Variants in PTPRG observed in about 807,000 individuals in gnomAD.
PTPRG encodes protein tyrosine phosphatase receptor type G.
PTPRG carries 102 observed loss-of-function variants against 165.3 expected under a neutral mutation model. That is an observed-to-expected ratio of 0.62 (90% CI 0.53 to 0.73). The LOEUF (loss-of-function observed/expected upper bound fraction) is 0.73. Ranked by LOEUF, PTPRG falls within the 30% of genes least tolerant of loss-of-function variation. PTPRG has a pLI of 0.00. For missense variants in PTPRG, 1,866 were observed against 1,861.4 expected (o/e 1.00, Z -0.05); for synonymous variants, 675 against 669.5 (o/e 1.01, Z -0.13).
chr3:61,950,649 C>T (rs1020094196), intron 2 of PTPRG, among the ~76,000 whole-genome samples: 1 of 151,928 alleles, frequency 6.6e-6, no homozygotes, highest in Admixed American at 6.6e-5. Context: ...CTTTCTTGCA[C>T]CTCTGGTAAC....
chr3:61,683,190 C>T (rs186312927), intron 1 of PTPRG, among the ~76,000 whole-genome samples: 8 of 152,256 alleles, frequency 5.3e-5, no homozygotes, highest in African/African-American at 1.9e-4. Flanking sequence ...GTCAGCATTG[C>T]AAAAGTCAGG....
intron 13 of PTPRG, among the ~76,000 whole-genome samples, chr3:62,225,916 A>C (rs1238633736): frequency 6.6e-6 from 1 of 152,158 alleles, no homozygotes; most frequent in African/African-American, 2.4e-5. Flanking sequence ...TGTCTCCCAA[A>C]GTGCTGGGAT....
At chr3:62,089,194 C>T (rs1397810533) in intron 5 of PTPRG, among the ~76,000 whole-genome samples, 1 of 152,202 alleles carries the variant, frequency 6.6e-6, no homozygotes, top group Non-Finnish European at 1.5e-5. Flanking sequence ...CCCACATTCC[C>T]AAAGCAGATA....
chr3:61,670,825 C>A (rs1309393203), intron 1 of PTPRG, among the ~76,000 whole-genome samples: 4 of 152,014 alleles, frequency 2.6e-5, no homozygotes, highest in Admixed American at 2.6e-4. Flanking sequence ...TAAGTAGAAT[C>A]GCAGAAAAGA....
At chr3:61,860,047 A>G (rs2037217769) in intron 2 of PTPRG, among the ~76,000 whole-genome samples, 1 of 152,212 alleles carries the variant, frequency 6.6e-6, no homozygotes, top group Non-Finnish European at 1.5e-5. Context: ...ACTCTAGGAA[A>G]CACTGAGGGA....
At chr3:62,266,043 G>T (rs551969338) in intron 17 of PTPRG, among the ~76,000 whole-genome samples, 2 of 152,126 alleles carry the variant, frequency 1.3e-5, no homozygotes, top group Non-Finnish European at 2.9e-5. Context: ...TGTGTGATGT[G>T]CCCAAAGGTC....
intron 5 of PTPRG, among the ~76,000 whole-genome samples, chr3:62,129,684 C>T (rs894829305): frequency 2.6e-5 from 4 of 152,186 alleles, no homozygotes; most frequent in African/African-American, 9.7e-5. Flanking sequence ...GGTCCTACTT[C>T]TCAACACTGT....
At chr3:62,182,820 C>T (rs1450512703) in intron 8 of PTPRG, among the ~76,000 whole-genome samples, 1 of 152,102 alleles carries the variant, frequency 6.6e-6, no homozygotes, top group African/African-American at 2.4e-5. Context: ...CCATGCCCAG[C>T]TAATTTTTGT....
At chr3:61,898,631 A>C (rs980957537) in intron 2 of PTPRG, among the ~76,000 whole-genome samples, 39 of 152,326 alleles carry the variant, frequency 2.6e-4, no homozygotes, top group African/African-American at 8.2e-4. Flanking sequence ...TTGCCCAGGC[A>C]TTACCTCTCC....
At chr3:61,877,669 A>T (rs1346077045) in intron 2 of PTPRG, among the ~76,000 whole-genome samples, 2 of 152,268 alleles carry the variant, frequency 1.3e-5, no homozygotes, top group African/African-American at 4.8e-5. Context: ...ACGTGTTTGC[A>T]TGCAGAAGCT....
chr3:62,108,698 C>T (rs150784154), intron 5 of PTPRG, among the ~76,000 whole-genome samples: 21 of 152,302 alleles, frequency 1.4e-4, no homozygotes, highest in Non-Finnish European at 2.9e-4. Context: ...ACATCCTCTC[C>T]AGCATCTTTT....
chr3:61,599,490 T>A (rs1700788677), intron 1 of PTPRG, among the ~76,000 whole-genome samples: 1 of 152,044 alleles, frequency 6.6e-6, no homozygotes, highest in Non-Finnish European at 1.5e-5. Context: ...CCTGCATTCT[T>A]TTTTCTTTGT....
At chr3:61,908,119 T>A (rs1464297326) in intron 2 of PTPRG, among the ~76,000 whole-genome samples, 5 of 98,834 alleles carry the variant, frequency 5.1e-5, no homozygotes, top group African/African-American at 1.8e-4. Flanking sequence ...ACCACCTCTC[T>A]TTAAAAAAAA....
intron 2 of PTPRG, among the ~76,000 whole-genome samples, chr3:61,952,793 C>T (rs1338283535): frequency 6.6e-6 from 1 of 152,172 alleles, no homozygotes; most frequent in African/African-American, 2.4e-5. Context: ...CAGCCAGCTC[C>T]TATCAGTGTC....
intron 2 of PTPRG, among the ~76,000 whole-genome samples, chr3:61,979,159 A>C (rs1575844902): frequency 6.6e-6 from 1 of 152,260 alleles, no homozygotes; most frequent in Non-Finnish European, 1.5e-5. Flanking sequence ...TTAAAAACTC[A>C]GCTATCAAGA....
intron 1 of PTPRG, among the ~76,000 whole-genome samples, chr3:61,649,014 T>C (rs1286202126): frequency 3.3e-5 from 5 of 152,204 alleles, no homozygotes; most frequent in Non-Finnish European, 7.3e-5. Flanking sequence ...ATATGTGAGT[T>C]TATTACCAAG....
intron 1 of PTPRG, among the ~76,000 whole-genome samples, chr3:61,652,455 A>G (rs1256515578): frequency 1.3e-5 from 2 of 150,574 alleles, no homozygotes; most frequent in East Asian, 1.9e-4. Flanking sequence ...CTACGGTGCA[A>G]TCTATTTTCC....
At chr3:62,196,399 G>A (rs929811063) in intron 10 of PTPRG, among the ~76,000 whole-genome samples, 28 of 151,986 alleles carry the variant, frequency 1.8e-4, no homozygotes, top group Admixed American at 1.2e-3. Flanking sequence ...GTAAAACTCC[G>A]TCTCGAAAAA....
At chr3:62,110,734 A>G (rs770257621) in intron 5 of PTPRG, among the ~76,000 whole-genome samples, 10 of 152,220 alleles carry the variant, frequency 6.6e-5, no homozygotes, top group Non-Finnish European at 1.2e-4. Flanking sequence ...TCACATTTCT[A>G]AGAGCATGAG....
Sources: allele counts gnomAD v4.1 joint callset (sites outside exome capture counted in the v4.1 genomes callset), GRCh38; gene constraint gnomAD v4.1.1; transcripts MANE v1.5; gene names NCBI Gene and HGNC (gene_info 2026-07-23, HGNC 2026-07-21).